Variants in PCGF5 observed in about 807,000 individuals in gnomAD.
PCGF5 encodes the protein polycomb group RING finger protein 5.
In PCGF5, 9 loss-of-function variants were observed where a neutral mutation model predicts 44.3. The ratio of observed to expected loss-of-function variants is 0.20; its 90% CI spans 0.12 to 0.35. The LOEUF (loss-of-function observed/expected upper bound fraction) is 0.35. Among genes scored for constraint, PCGF5 ranks in the 10% least tolerant of loss-of-function variants. The pLI is 1.00. For synonymous variants in PCGF5, 95 were observed against 102.5 expected, an observed-to-expected ratio of 0.93 and a Z score of 0.44; for missense variants, 146 against 305.3, an observed-to-expected ratio of 0.48 and a Z score of 3.89.
At chr10:91,187,947 CTTTTT>C (rs562653417) in intron 1 of PCGF5, among the ~76,000 whole-genome samples, 2 of 145,720 alleles carry the variant, frequency 1.4e-5, no homozygotes, top group African/African-American at 5.0e-5. Context: ...ATGGATGATT[CTTTTT>C]TTTTTTATTT....
chr10:91,191,415 TC>T (rs1844031869), intron 1 of PCGF5, among the ~76,000 whole-genome samples: 1 of 152,156 alleles, frequency 6.6e-6, no homozygotes, highest in South Asian at 2.1e-4. Flanking sequence ...TGAGATATCA[TC>T]ACACTACTCA....
intron 6 of PCGF5, among the ~76,000 whole-genome samples, chr10:91,254,260 G>A (rs1478829576): frequency 6.6e-6 from 1 of 151,268 alleles, no homozygotes; most frequent in African/African-American, 2.4e-5. Context: ...CAAAAGATCT[G>A]TATCTAGATT....
chr10:91,254,531 T>A (rs1419619867), intron 6 of PCGF5, among the ~76,000 whole-genome samples: 1 of 152,042 alleles, frequency 6.6e-6, no homozygotes, highest in Non-Finnish European at 1.5e-5. Flanking sequence ...ATCTTTTTTT[T>A]ATATGTGTGT....
intron 5 of PCGF5, among the ~76,000 whole-genome samples, chr10:91,249,360 A>G (rs556826800): frequency 3.9e-4 from 55 of 142,560 alleles, no homozygotes; most frequent in African/African-American, 1.3e-3. Context: ...AGCAGATAAA[A>G]GGCTTTTAGT....
At chr10:91,173,298 C>T (rs1318187672) in intron 1 of PCGF5, among the ~76,000 whole-genome samples, 1 of 152,042 alleles carries the variant, frequency 6.6e-6, no homozygotes, top group Non-Finnish European at 1.5e-5. Context: ...TCTTGTTATC[C>T]CTGTGATAGT....
At chr10:91,165,629 G>C (rs1451050830) in intron 1 of PCGF5, among the ~76,000 whole-genome samples, 1 of 152,134 alleles carries the variant, frequency 6.6e-6, no homozygotes, top group Non-Finnish European at 1.5e-5. Flanking sequence ...AATGAAAACA[G>C]GATTTATGCT....
chr10:91,227,557 T>C, intron 2 of PCGF5: 11 of 1,192,558 alleles, frequency 9.2e-6, no homozygotes, highest in Non-Finnish European at 1.2e-5. Flanking sequence ...CCTCTGTTAC[T>C]GTTCTCATTC....
chr10:91,249,415 A>G (rs1386320429), intron 5 of PCGF5, among the ~76,000 whole-genome samples: 4 of 84,288 alleles, frequency 4.7e-5, no homozygotes, highest in East Asian at 6.2e-4. Flanking sequence ...ATATATATAT[A>G]TATATGTATA....
chr10:91,253,972 C>T (rs1225040061), intron 6 of PCGF5, among the ~76,000 whole-genome samples: 5 of 151,962 alleles, frequency 3.3e-5, no homozygotes, highest in Non-Finnish European at 5.9e-5. Context: ...GATGGCCAGC[C>T]AGATTTGGCC....
upstream of PCGF5, among the ~76,000 whole-genome samples, chr10:91,218,111 C>G (rs546283556): frequency 6.6e-6 from 1 of 152,128 alleles, no homozygotes; most frequent in Non-Finnish European, 1.5e-5. Context: ...ACCAGACCTC[C>G]CTTAAGTTCT....
intron 1 of PCGF5, among the ~76,000 whole-genome samples, chr10:91,185,231 G>T (rs1197861663): frequency 6.6e-6 from 1 of 152,230 alleles, no homozygotes; most frequent in Admixed American, 6.5e-5. Flanking sequence ...GGCCTGGGTT[G>T]GGAGGTCCCA....
At chr10:91,219,709 T>C (rs1055916128), upstream of PCGF5, among the ~76,000 whole-genome samples, 2 of 152,242 alleles carry the variant, frequency 1.3e-5, no homozygotes, top group Admixed American at 1.3e-4. Context: ...TGCTGTGATA[T>C]TAGAAATGGC....
In PCGF5 at chr10:91,279,085, T is replaced by G. The variant is rs1846385711; in HGVS notation, c.*769T>G. 1 of 152,428 alleles carries G rather than the reference T, an allele frequency of 6.6e-6. No homozygotes were observed. Among genetic ancestry groups the G allele is most frequent in the African/African-American group, 2.4e-5 (1 of 41,470 alleles). 9.4% of individuals were successfully genotyped at this position (152,428 alleles called of 1,614,324 possible). A position where few individuals can be genotyped will look rare whatever the true frequency, so the allele number is the denominator to read the frequency against. On this transcript the variant is annotated 3_prime_UTR_variant, in exon 10 of 10. Transcript: ENST00000336126. ...GATAAAAGTAATGTGTAAGTAAGGT[T>G]AATCTTCTTTCATAATGCCTTATGA... is the stretch of plus-strand genomic sequence containing the variant.
intron 1 of PCGF5, among the ~76,000 whole-genome samples, chr10:91,169,372 A>C (rs904492656): frequency 6.6e-6 from 1 of 152,212 alleles, no homozygotes; most frequent in Non-Finnish European, 1.5e-5. Flanking sequence ...GTTTATGTAG[A>C]AAACTGAAAG....
chr10:91,170,383 CTG>C (rs1843582222), intron 1 of PCGF5, among the ~76,000 whole-genome samples: 1 of 152,186 alleles, frequency 6.6e-6, no homozygotes, highest in Admixed American at 6.5e-5. Flanking sequence ...AAATAATAGT[CTG>C]TTATCTAAAA....
In PCGF5 at chr10:91,248,649, C is replaced by T. The variant is rs1564648802; in HGVS notation, c.266-16C>T. 6.2e-7 allele frequency: 1 copy of T among 1,602,436 alleles called. No individual in the cohort carries two copies. The highest frequency in any genetic ancestry group is 1.7e-5 in the Admixed American group (1 of 59,060). ...ATTTCATGACTTTTACTTTTATACTCTTTCTTTTAAATTAGAAGAACTTGA... is the reference window on the plus strand; with the variant it reads ...ATTTCATGACTTTTACTTTTATACTTTTTCTTTTAAATTAGAAGAACTTGA... On this transcript the variant is annotated splice_polypyrimidine_tract_variant and intron_variant, in intron 4 of 9. Transcript: ENST00000336126.
chr10:91,275,130 A>T (rs996045661), intron 9 of PCGF5, among the ~76,000 whole-genome samples: 2 of 152,196 alleles, frequency 1.3e-5, no homozygotes, highest in Non-Finnish European at 2.9e-5. Flanking sequence ...TTTGCAATGT[A>T]TGATAGAAAA....
chr10:91,272,915 C>A (rs1846215017), intron 9 of PCGF5, among the ~76,000 whole-genome samples: 1 of 152,204 alleles, frequency 6.6e-6, no homozygotes, highest in African/African-American at 2.4e-5. Context: ...ATACTTACCT[C>A]CAGTGTTACA....
chr10:91,179,254 A>C (rs1466130405), intron 1 of PCGF5, among the ~76,000 whole-genome samples: 2 of 152,204 alleles, frequency 1.3e-5, no homozygotes, highest in Non-Finnish European at 2.9e-5. Context: ...AAAGCAAGGG[A>C]GAGACATGGG....
Sources: allele counts gnomAD v4.1 joint callset (sites outside exome capture counted in the v4.1 genomes callset), GRCh38; gene constraint gnomAD v4.1.1; transcripts MANE v1.5; gene names NCBI Gene and HGNC (gene_info 2026-07-23, HGNC 2026-07-21).